The following CBFB variants were observed in gnomAD, a reference collection of about 807,000 sequenced individuals.
CBFB encodes the protein core-binding factor subunit beta.
Under a neutral mutation model 30.4 loss-of-function variants are expected in CBFB, and 9 were observed. That is an observed-to-expected ratio of 0.30 (90% CI 0.18 to 0.52). The LOEUF is 0.52. CBFB is among the 20% of genes least tolerant of loss of function. CBFB has a pLI of 0.97. For missense variants in CBFB, 170 were observed against 244.0 expected (o/e 0.70, Z 2.02); for synonymous variants, 94 against 84.0 (o/e 1.12, Z -0.65).
intron 5 of CBFB, among the ~76,000 whole-genome samples, chr16:67,090,743 G>A (rs1400952178): frequency 1.3e-5 from 2 of 152,062 alleles, no homozygotes; most frequent in Non-Finnish European, 2.9e-5. Flanking sequence ...GCAAATAAAT[G>A]GTTGTCTTTA....
rs1181006698 is a variant in CBFB at position 67,095,694 on chromosome 16, T to G, written c.496-3016T>G. ...CAACACAGCAAGACCTCATCTGTTTTTTTTTTTTTTTTTTGGAGACAGAGT... is the reference window on the plus strand; with the variant it reads ...CAACACAGCAAGACCTCATCTGTTTGTTTTTTTTTTTTTTGGAGACAGAGT... On this transcript the variant is annotated intron_variant, in intron 5 of 5. Coordinates refer to ENST00000412916, the MANE Select transcript of CBFB (RefSeq NM_022845.3). Among the ~76,000 whole-genome samples, 7 of 150,374 alleles carry G rather than the reference T, an allele frequency of 4.7e-5. No homozygotes were observed. The South Asian group carries it at 6.3e-4, about 14-fold the overall frequency.
In CBFB at chr16:67,094,709, C is replaced by G. The variant is rs540255331; in HGVS notation, c.496-4001C>G. Among the ~76,000 whole-genome samples the G allele has an allele frequency of 5.3e-5, 8 of 152,280 alleles. No homozygotes were observed. In the East Asian group the frequency reaches 1.5e-3, roughly 29 times the overall value. ...AAAGCAGATGTTTATATCACCATCTCTGATTTTGCAGAATTGATCTGTCCT... is the reference window on the plus strand; with the variant it reads ...AAAGCAGATGTTTATATCACCATCTGTGATTTTGCAGAATTGATCTGTCCT... On this transcript the variant is annotated intron_variant, in intron 5 of 5. Transcript: ENST00000412916.
chr16:67,071,946 C>G (rs1208671180), intron 4 of CBFB, among the ~76,000 whole-genome samples: 3 of 152,188 alleles, frequency 2.0e-5, no homozygotes, highest in Admixed American at 6.5e-5. Context: ...AGCGAGTGAG[C>G]CGGTGGCAGC....
At chr16:67,080,873 G>A (rs895991694) in intron 4 of CBFB, among the ~76,000 whole-genome samples, 3 of 152,224 alleles carry the variant, frequency 2.0e-5, no homozygotes, top group African/African-American at 4.8e-5. Context: ...TAAAGAAAAC[G>A]GAAGAGCATT....
At chr16:67,066,868 A>G (rs189204572) in intron 4 of CBFB, 70 bp downstream of exon 4, 52 of 790,474 alleles carry the variant, frequency 6.6e-5, no homozygotes, top group Admixed American at 3.2e-4. Context: ...CTGGGGACCT[A>G]TTTTACCCAA....
chr16:67,029,867 C>T, intron 2 of CBFB, 54 bp downstream of exon 2: 2 of 1,299,464 alleles, frequency 1.5e-6, no homozygotes, highest in Non-Finnish European at 2.1e-6. Flanking sequence ...GGGGCCGCGG[C>T]GGCCCAGGCC....
At chr16:67,082,922 T>A (rs1007955349) in intron 5 of CBFB, among the ~76,000 whole-genome samples, 1 of 152,172 alleles carries the variant, frequency 6.6e-6, no homozygotes, top group Non-Finnish European at 1.5e-5. Flanking sequence ...AATAAAAAAA[T>A]CTATAGCCCA....
At chr16:67,067,201 C>T (rs1252252124) in intron 4 of CBFB, among the ~76,000 whole-genome samples, 1 of 139,526 alleles carries the variant, frequency 7.2e-6, no homozygotes, top group Non-Finnish European at 1.6e-5. Context: ...TAAAACTTGA[C>T]AAAAATTGTT....
chr16:67,093,047 A>G (rs1961942278), intron 5 of CBFB, among the ~76,000 whole-genome samples: 1 of 152,074 alleles, frequency 6.6e-6, no homozygotes, highest in Non-Finnish European at 1.5e-5. Flanking sequence ...TCCTGGGCTC[A>G]AGCAGTTCTT....
rs1163773529 is a variant in CBFB, at chr16:67,055,357, C to CTTTTTTTTTTTTTTTT, written c.283-11313_283-11298dup. Among the ~76,000 whole-genome samples the CTTTTTTTTTTTTTTTT allele has an allele frequency of 9.3e-4, 76 of 81,466 alleles. 5 individuals are homozygous for CTTTTTTTTTTTTTTTT. The highest frequency in any genetic ancestry group is 1.2e-3 in the Non-Finnish European group (48 of 41,354). 53.4% of individuals were successfully genotyped at this position (81,466 alleles called of 152,430 possible). On this transcript the variant is annotated intron_variant, in intron 3 of 5. Transcript: ENST00000412916. ...AAATCTATTGAATTCCAGACACTTT[C>CTTTTTTTTTTTTTTTT]TTTTTTTTTTTTTTTTTTTTTTTTT... is the stretch of plus-strand genomic sequence containing the variant.
intron 4 of CBFB, among the ~76,000 whole-genome samples, chr16:67,069,998 A>G (rs1961173668): frequency 1.3e-5 from 2 of 152,236 alleles, no homozygotes; most frequent in South Asian, 4.1e-4. Context: ...CTTTAAAAAC[A>G]AAGAAAATGT....
chr16:67,064,175 C>T (rs942000135), intron 3 of CBFB, among the ~76,000 whole-genome samples: 4 of 152,130 alleles, frequency 2.6e-5, no homozygotes, highest in African/African-American at 9.7e-5. Flanking sequence ...TCATGTTAAA[C>T]AAGGTAGAGA....
intron 3 of CBFB, among the ~76,000 whole-genome samples, chr16:67,054,233 TTATTC>T (rs1280861334): frequency 2.4e-4 from 37 of 152,156 alleles, no homozygotes; most frequent in Non-Finnish European, 1.9e-4. Context: ...TGAAGTGTCT[TTATTC>T]TACGATACTT....
intron 2 of CBFB, 62 bp from the exon 3 acceptor site, chr16:67,036,577 C>A: frequency 1.1e-6 from 1 of 906,852 alleles, no homozygotes; most frequent in Non-Finnish European, 1.9e-6. Flanking sequence ...AAATAAATGA[C>A]TGCTTGCATA....
intron 2 of CBFB, among the ~76,000 whole-genome samples, chr16:67,032,706 T>G: frequency 6.6e-6 from 1 of 152,270 alleles, no homozygotes; most frequent in East Asian, 1.9e-4. Flanking sequence ...GAAATTTATC[T>G]CATGACTTAT....
intron 3 of CBFB, among the ~76,000 whole-genome samples, chr16:67,066,268 C>T (rs541079941): frequency 6.6e-6 from 1 of 151,928 alleles, no homozygotes; most frequent in South Asian, 2.1e-4. Context: ...AAGTGTCTGG[C>T]CGGGCATGGT....
chr16:67,040,024 A>C (rs1381952184), intron 3 of CBFB, among the ~76,000 whole-genome samples: 1 of 152,250 alleles, frequency 6.6e-6, no homozygotes, highest in African/African-American at 2.4e-5. Flanking sequence ...TTTTAAGGCA[A>C]AAACTCGTAC....
At chr16:67,068,395 C>T (rs563096329) in intron 4 of CBFB, among the ~76,000 whole-genome samples, 4 of 152,228 alleles carry the variant, frequency 2.6e-5, no homozygotes, top group African/African-American at 4.8e-5. Flanking sequence ...GTGGAAGGAT[C>T]GCTTGAGTCC....
intron 4 of CBFB, among the ~76,000 whole-genome samples, chr16:67,074,577 T>C (rs1438069071): frequency 6.6e-6 from 1 of 151,958 alleles, no homozygotes; most frequent in African/African-American, 2.4e-5. Flanking sequence ...GAGACGAGGT[T>C]TCACCATGTT....
Sources: allele counts gnomAD v4.1 joint callset (sites outside exome capture counted in the v4.1 genomes callset), GRCh38; gene constraint gnomAD v4.1.1; transcripts MANE v1.5; gene names NCBI Gene and HGNC (gene_info 2026-07-23, HGNC 2026-07-21).